PKHD1: variants seen among roughly 807,000 people sequenced by gnomAD.
The protein encoded by PKHD1 is fibrocystin.
A neutral mutation model predicts 412.0 loss-of-function variants in PKHD1; 291 were observed. That is an observed-to-expected ratio of 0.71 (90% CI 0.64 to 0.78). PKHD1 has a LOEUF of 0.78. Ranked by LOEUF, PKHD1 falls within the 30% of genes least tolerant of loss-of-function variation. The probability of loss-of-function intolerance (pLI) is 0.00; values close to 1 mark genes in which losing one functional copy is unlikely to be tolerated. For synonymous variants in PKHD1, 1,777 were observed against 1,821.5 expected (o/e 0.98, Z 0.62); for missense variants, 4,825 against 4,950.7 (o/e 0.97, Z 0.76).
chr6:51,703,551 C>T (rs1393283091), intron 60 of PKHD1, among the ~76,000 whole-genome samples: 2 of 151,774 alleles, frequency 1.3e-5, no homozygotes, highest in Non-Finnish European at 2.9e-5. Context: ...TAATTCCAAG[C>T]CAGAAGAAGG....
chr6:51,667,881 C>T (rs980219647), intron 60 of PKHD1, among the ~76,000 whole-genome samples: 1 of 151,740 alleles, frequency 6.6e-6, no homozygotes, highest in African/African-American at 2.4e-5. Flanking sequence ...TTTCTGAGGG[C>T]TCTGTTCTGT....
Position 51,627,075 on chromosome 6 carries a change from G to C in PKHD1, c.11707C>G (p.Gln3903Glu). Residue 3903 changes from glutamine to glutamate, a missense_variant, in exon 66 of 67, where the codon CAA becomes GAA. By Grantham distance (29) the Gln-to-Glu change is conservative. Coordinates refer to ENST00000371117, the MANE Select transcript of PKHD1 (RefSeq NM_138694.4). ...GATGAGATGTGGATATGAATATTTT[G>C]ATTATTAGTCTGGGATTCAGGAATC... is the stretch of plus-strand genomic sequence containing the variant. Reference protein sequence around the residue: ...EEIPESQTNNQNIHIHISSKR... With the variant: ...EEIPESQTNNENIHIHISSKR... 1 of 1,609,830 alleles carries C rather than the reference G, an allele frequency of 6.2e-7. No homozygotes were observed. Among genetic ancestry groups the C allele is most frequent in the Non-Finnish European group, 8.5e-7 (1 of 1,176,324 alleles).
rs542278587 is a variant in PKHD1, at chr6:51,693,637, C to T, written c.10157-33668G>A. Among the ~76,000 whole-genome samples the T allele has an allele frequency of 1.1e-4, 16 of 152,252 alleles. No homozygotes were observed. The South Asian group carries it at 1.9e-3, about 18-fold the overall frequency. On this transcript the variant is annotated intron_variant, in intron 60 of 66. Coordinates refer to ENST00000371117, the MANE Select transcript of PKHD1 (RefSeq NM_138694.4). ...AACCCATCCAGCCCAGCTGGTTCAG[C>T]GGATGAGATTGCCTCCAGAAGACAA...
At chr6:51,960,056 T>C (rs1302098963) in intron 35 of PKHD1, 30 bp from the exon 36 acceptor site, 1 of 1,607,836 alleles carries the variant, frequency 6.2e-7, no homozygotes, top group Non-Finnish European at 8.5e-7. Context: ...GTTGGTGGGT[T>C]GGTTGGTTGG....
intron 60 of PKHD1, among the ~76,000 whole-genome samples, chr6:51,684,044 T>C (rs1777085264): frequency 6.6e-6 from 1 of 152,094 alleles, no homozygotes. Context: ...AGAAGAAACA[T>C]CAACATTTCC....
Position 52,058,444 on chromosome 6 carries a change from C to T in PKHD1, c.1391G>A (p.Ser464Asn). 1 of 1,614,192 alleles carries T rather than the reference C, an allele frequency of 6.2e-7. No individual in the cohort carries two copies. Among genetic ancestry groups the T allele is most frequent in the South Asian group, 1.1e-5 (1 of 91,080 alleles). The change falls in exon 16 of 67, where the codon AGC becomes AAC. Residue 464 changes from serine to asparagine, a missense_variant. Ser to Asn is a conservative substitution (Grantham distance 46). Coordinates refer to ENST00000371117, the MANE Select transcript of PKHD1 (RefSeq NM_138694.4). ...CTGGACACCAATCCTCATCCCCCTG[C>T]TTGGGGCTATCCCATGATGCTCTGC... is the stretch of plus-strand genomic sequence containing the variant. ...LEAEHHGIAP[S>N]RGMRIGVQIH...
intron 55 of PKHD1, among the ~76,000 whole-genome samples, chr6:51,759,549 A>C (rs1374655424): frequency 6.6e-6 from 1 of 152,154 alleles, no homozygotes; most frequent in Non-Finnish European, 1.5e-5. Flanking sequence ...TCCAGTAGAA[A>C]AAAAAGAGGT....
intron 23 of PKHD1, among the ~76,000 whole-genome samples, chr6:52,047,570 C>T (rs1039443592): frequency 6.6e-6 from 1 of 152,330 alleles, no homozygotes; most frequent in East Asian, 1.9e-4. Flanking sequence ...AAACACTACT[C>T]TAATTGCATC....
At chr6:51,806,858 A>C (rs1216673205) in intron 52 of PKHD1, among the ~76,000 whole-genome samples, 1 of 152,178 alleles carries the variant, frequency 6.6e-6, no homozygotes, top group Non-Finnish European at 1.5e-5. Flanking sequence ...CAGCATTAAG[A>C]TGCAGAGAAC....
chr6:52,025,156 C>T lies in PKHD1; in HGVS notation c.4654G>A (p.Val1552Ile). Residue 1552 changes from valine (V) to isoleucine (I), a missense_variant, in exon 32 of 67, where the codon GTT becomes ATT. Coordinates refer to ENST00000371117, the MANE Select transcript of PKHD1 (RefSeq NM_138694.4). ...GCATACCCATTTCTTGTATAAAAAACTGACAGGTAGTGGGGTCCTGGGGCC... is the reference window on the plus strand; with the variant it reads ...GCATACCCATTTCTTGTATAAAAAATTGACAGGTAGTGGGGTCCTGGGGCC... ...DLAPGPHYLS[V>I]FYTRNGYACS... 3 of 1,614,154 alleles carry T rather than the reference C, an allele frequency of 1.9e-6. No homozygotes were observed. The highest frequency in any genetic ancestry group is 2.5e-6 in the Non-Finnish European group (3 of 1,180,014).
chr6:51,801,639 T>TTTTGTGTGTGTGTGTGTGTGTGTGTG (rs1554250844), intron 52 of PKHD1, among the ~76,000 whole-genome samples: 1 of 120,138 alleles, frequency 8.3e-6, no homozygotes, highest in African/African-American at 3.1e-5. Context: ...GCTGGCCTGA[T>TTTTGTGTGTGTGTGTGTGTGTGTGTG]TGTGTGTGTG....
chr6:51,961,535 T>C (rs1364227463), intron 35 of PKHD1, among the ~76,000 whole-genome samples: 1 of 152,100 alleles, frequency 6.6e-6, no homozygotes, highest in Admixed American at 6.6e-5. Context: ...ATTTTAACTC[T>C]AGATGATTTC....
chr6:52,062,811 G>A, intron 13 of PKHD1, 151 bp from the exon 14 acceptor site: 1 of 883,418 alleles, frequency 1.1e-6, no homozygotes, highest in Non-Finnish European at 1.8e-6. Context: ...TATATGAAAG[G>A]TTCTGTAGTT....
At position 51,659,162 on chromosome 6, in the gene PKHD1, A is replaced by G. The variant is rs1315389470; in HGVS notation, c.10964T>C (p.Val3655Ala). ...GACAATCACTTTTGAGATAGTTTCC[A>G]CAGTCATTGGGGGTGAAGCCCTATG... ...NSHRASPPMT[V>A]ETISKVIVIE... Residue 3655 changes from valine to alanine, a missense_variant, in exon 61 of 67, where the codon GTG (valine) becomes GCG (alanine). By Grantham distance (64) the Val-to-Ala change is moderately conservative. Transcript: ENST00000371117. The G allele has an allele frequency of 6.2e-7, 1 of 1,613,826 alleles. No individual in the cohort carries two copies. The highest frequency in any genetic ancestry group is 1.1e-5 in the South Asian group (1 of 91,084).
At chr6:51,621,165 AAC>A (rs1766567462) in intron 66 of PKHD1, among the ~76,000 whole-genome samples, 6 of 152,098 alleles carry the variant, frequency 3.9e-5, no homozygotes, top group Admixed American at 3.9e-4. Context: ...TTCCTTATGT[AAC>A]AGTCTCATCT....
At position 51,753,253 on chromosome 6, in the gene PKHD1, C is replaced by T. The variant is rs781630151; in HGVS notation, c.8898G>A (p.Arg2966=). The change falls in exon 57 of 67, where the codon AGG becomes AGA. Residue 2966 remains arginine (R), a synonymous_variant. Coordinates refer to ENST00000371117, the MANE Select transcript of PKHD1 (RefSeq NM_138694.4). ...NIQIQPDVSC[R]GRLFVGSFRK... is the part of the protein sequence containing the mutation. ...TGAAGGACCCCACAAACAGTCTCCC[C>T]CTACATGATACGTCAGGCTGAATTT... The T allele has an allele frequency of 6.8e-6, 11 of 1,613,718 alleles. No homozygotes were observed. In the Admixed American group the frequency reaches 1.8e-4, roughly 27 times the overall value.
chr6:51,699,920 A>AGTGTGTGTGTGTGTGTGT lies in PKHD1; in HGVS notation c.10157-39969_10157-39952dup, dbSNP rs148337538. Among the ~76,000 whole-genome samples the AGTGTGTGTGTGTGTGTGT allele has an allele frequency of 1.5e-3, 208 of 137,876 alleles. 1 individual carries two copies. The highest frequency in any genetic ancestry group is 2.0e-3 in the Non-Finnish European group (130 of 64,074). The allele number at this position is 137,876 out of a possible 152,430, so 90.5% of individuals were successfully genotyped here. A position where few individuals can be genotyped will look rare whatever the true frequency, so the allele number is the denominator to read the frequency against. On this transcript the variant is annotated intron_variant, in intron 60 of 66. Transcript: ENST00000371117. ...TTTGGCCTCTGGAATATATATATGG[A>AGTGTGTGTGTGTGTGTGT]GTGTGTGTGTGTGTGTGTGTGTGTG...
chr6:51,886,104 C>G lies in PKHD1; in HGVS notation c.7110-132G>C, dbSNP rs1308015654. 6 of 713,434 alleles carry G rather than the reference C, an allele frequency of 8.4e-6. No individual in the cohort carries two copies. In the East Asian group the frequency reaches 1.1e-4, roughly 13 times the overall value. 44.2% of individuals were successfully genotyped at this position (713,434 alleles called of 1,614,324 possible). A position where few individuals can be genotyped will look rare whatever the true frequency, so the allele number is the denominator to read the frequency against. ...GGTAGATGGAATCTGTGACCCTCCC[C>G]CTAACTGTTCTTGCCTACCCCTCAG... On this transcript the variant is annotated intron_variant, in intron 44 of 66. Coordinates refer to ENST00000371117, the MANE Select transcript of PKHD1 (RefSeq NM_138694.4).
At chr6:51,847,226 G>C (rs1026535605) in intron 50 of PKHD1, among the ~76,000 whole-genome samples, 1 of 148,778 alleles carries the variant, frequency 6.7e-6, no homozygotes, top group Non-Finnish European at 1.5e-5. Context: ...CTTCCAAGTA[G>C]CTGGGACCAC....
Sources: allele counts gnomAD v4.1 joint callset (sites outside exome capture counted in the v4.1 genomes callset), GRCh38; gene constraint gnomAD v4.1.1; transcripts MANE v1.5; gene names NCBI Gene and HGNC (gene_info 2026-07-23, HGNC 2026-07-21).